FBXO34: variants seen among roughly 807,000 people sequenced by gnomAD.
FBXO34 encodes F-box protein 34, also known as F-box only protein 34.
A neutral mutation model predicts 24.5 loss-of-function variants in FBXO34; 12 were observed. The ratio of observed to expected loss-of-function variants is 0.49; its 90% CI spans 0.31 to 0.79. FBXO34 has a LOEUF of 0.79. Among genes scored for constraint, FBXO34 ranks in the 30% least tolerant of loss-of-function variants. The pLI, the probability that FBXO34 is intolerant of heterozygous loss-of-function variation, is 0.04. For synonymous variants in FBXO34, 320 were observed against 311.9 expected, an observed-to-expected ratio of 1.03 and a Z score of -0.27; for missense variants, 823 against 857.7, an observed-to-expected ratio of 0.96 and a Z score of 0.51.
downstream of FBXO34, chr14:55,368,143 CTCATT>C (rs757089554): frequency 1.7e-3 from 260 of 152,466 alleles, no homozygotes; most frequent in Non-Finnish European, 2.7e-3. Context: ...TAATGCCTCT[CTCATT>C]ATAGTTTTCT....
chr14:55,433,705 A>T, the FBXO34 span: 4 of 1,614,078 alleles, frequency 2.5e-6, no homozygotes, highest in Non-Finnish European at 3.4e-6. Context: ...GATCCTCATT[A>T]TGACAGCAGC....
chr14:55,391,441 A>G, the FBXO34 span: 1 of 148,728 alleles, frequency 6.7e-6, no homozygotes, highest in Non-Finnish European at 1.5e-5. Flanking sequence ...ACGCCACTGC[A>G]GTCCAGCCTG....
chr14:55,347,156 C>T (rs935397063), intron 1 of FBXO34, among the ~76,000 whole-genome samples: 2 of 152,108 alleles, frequency 1.3e-5, no homozygotes, highest in Non-Finnish European at 2.9e-5. Context: ...GAGAGCAGGA[C>T]TTTATTATAG....
At chr14:55,299,930 T>C (rs1025515823) in intron 1 of FBXO34, among the ~76,000 whole-genome samples, 9 of 152,230 alleles carry the variant, frequency 5.9e-5, no homozygotes, top group Non-Finnish European at 1.3e-4. Flanking sequence ...CAAGTTTGGT[T>C]GAACTGTTCC....
downstream of FBXO34, among the ~76,000 whole-genome samples, chr14:55,362,497 G>T (rs1884606120): frequency 6.6e-6 from 1 of 152,112 alleles, no homozygotes; most frequent in Admixed American, 6.6e-5. Flanking sequence ...CCACGGAGAG[G>T]TGTGACAAAG....
the FBXO34 span, among the ~76,000 whole-genome samples, chr14:55,415,463 A>G: frequency 6.6e-6 from 1 of 152,318 alleles, no homozygotes; most frequent in African/African-American, 2.4e-5. Flanking sequence ...ATACACCCCA[A>G]ATTGAAAACA....
chr14:55,425,333 A>G, the FBXO34 span, among the ~76,000 whole-genome samples: 3 of 152,230 alleles, frequency 2.0e-5, no homozygotes, highest in African/African-American at 7.2e-5. Flanking sequence ...CTCCAGGGCT[A>G]TGAGATCCAG....
At chr14:55,437,293 T>A in the FBXO34 span, among the ~76,000 whole-genome samples, 1 of 152,232 alleles carries the variant, frequency 6.6e-6, no homozygotes, top group Admixed American at 6.5e-5. Context: ...GCCTGGCCAA[T>A]GTGGTGAAAC....
At chr14:55,406,053 T>C in the FBXO34 span, among the ~76,000 whole-genome samples, 3 of 152,174 alleles carry the variant, frequency 2.0e-5, no homozygotes, top group Non-Finnish European at 4.4e-5. Context: ...GTTTAGGTAT[T>C]TCTCAACTAA....
intron 1 of FBXO34, chr14:55,325,748 T>C (rs1394602006): frequency 6.6e-6 from 1 of 152,324 alleles, no homozygotes; most frequent in Non-Finnish European, 1.5e-5. Flanking sequence ...GTGCTGGGAT[T>C]ACAGGCGTGA....
intron 1 of FBXO34, among the ~76,000 whole-genome samples, chr14:55,345,867 A>T (rs1393903249): frequency 2.0e-5 from 3 of 151,074 alleles, no homozygotes; most frequent in Non-Finnish European, 3.0e-5. Context: ...TTAGCTGGCC[A>T]TTGTGGCATG....
intron 1 of FBXO34, among the ~76,000 whole-genome samples, chr14:55,315,241 T>C (rs1301511720): frequency 2.0e-5 from 3 of 152,226 alleles, no homozygotes; most frequent in Non-Finnish European, 4.4e-5. Context: ...ATTGTTTACT[T>C]TTCTGTTAAC....
rs139920556 is a variant in FBXO34 at position 55,351,384 on chromosome 14, G to T, written c.994G>T (p.Val332Phe). Residue 332 changes from valine (V) to phenylalanine (F), a missense_variant, in exon 2 of 2, where the codon GTC (valine) becomes TTC (phenylalanine). Val to Phe is a conservative substitution (Grantham distance 50, BLOSUM62 -1). Around this residue, in one of 2 missense-constraint regions of FBXO34, gnomAD observed 693 missense variants for 659.1 expected, o/e 1.05. Transcript: ENST00000313833. The part of the protein sequence containing the change: ...QADEGKTKKG[V>F]LEAPDTQVNP... Reference sequence around the variant, plus strand: ...TGATGAAGGCAAAACAAAGAAAGGCGTCTTGGAGGCACCTGACACTCAGGT... The same window carrying T: ...TGATGAAGGCAAAACAAAGAAAGGCTTCTTGGAGGCACCTGACACTCAGGT... 4 of 1,614,202 alleles carry T rather than the reference G, an allele frequency of 2.5e-6. No individual in the cohort carries two copies. The South Asian group carries it at 3.3e-5, about 13-fold the overall frequency.
intron 1 of FBXO34, among the ~76,000 whole-genome samples, chr14:55,288,122 T>C (rs111821005): frequency 6.6e-6 from 1 of 152,220 alleles, no homozygotes; most frequent in Admixed American, 6.5e-5. Context: ...TGGGTTTAAA[T>C]ATAATTTATT....
At chr14:55,402,938 T>A in the FBXO34 span, among the ~76,000 whole-genome samples, 12 of 33,250 alleles carry the variant, frequency 3.6e-4, no homozygotes, top group African/African-American at 4.6e-4. Context: ...TATATATATA[T>A]ATATATATAT....
At chr14:55,344,968 G>A (rs1336860397) in intron 1 of FBXO34, among the ~76,000 whole-genome samples, 9 of 152,172 alleles carry the variant, frequency 5.9e-5, no homozygotes, top group African/African-American at 2.2e-4. Flanking sequence ...ATTTATACCA[G>A]TGTCTAGCCC....
chr14:55,403,539 T>C, the FBXO34 span, among the ~76,000 whole-genome samples: 6 of 152,102 alleles, frequency 3.9e-5, no homozygotes, highest in African/African-American at 1.5e-4. Flanking sequence ...TAGTCATATA[T>C]AATCTTTTTT....
downstream of FBXO34, chr14:55,370,021 G>C (rs1356897255): frequency 1.6e-6 from 2 of 1,218,826 alleles, no homozygotes; most frequent in Admixed American, 2.4e-5. Context: ...GAGGGGATGA[G>C]GGACGCCGCA....
At chr14:55,385,800 C>T in the FBXO34 span, 2,472 of 1,390,658 alleles carry the variant, frequency 1.8e-3, 5 homozygotes, top group Middle Eastern at 2.8e-3. Flanking sequence ...TAATGACATA[C>T]TTTAAAAAGT....
Sources: allele counts gnomAD v4.1 joint callset (sites outside exome capture counted in the v4.1 genomes callset), GRCh38; gene constraint gnomAD v4.1.1; regional missense constraint gnomAD v4.1.1; transcripts MANE v1.5; gene names NCBI Gene and HGNC (gene_info 2026-07-23, HGNC 2026-07-21).